Variants in STOX1 observed in about 807,000 individuals in gnomAD.
STOX1 encodes storkhead-box protein 1.
STOX1 carries 57 observed loss-of-function variants against 74.8 expected under a neutral mutation model. That is an observed-to-expected ratio of 0.76 (90% CI 0.62 to 0.95). STOX1 has a LOEUF of 0.95. STOX1 is among the 40% of genes least tolerant of loss of function. The pLI is 0.00. For missense variants in STOX1, 1,010 were observed against 1,117.0 expected, an observed-to-expected ratio of 0.90 and a Z score of 1.37; for synonymous variants, 375 against 401.3, an observed-to-expected ratio of 0.93 and a Z score of 0.78.
intron 1 of STOX1, among the ~76,000 whole-genome samples, chr10:68,871,876 C>T (rs903998087): frequency 6.6e-6 from 1 of 152,170 alleles, no homozygotes; most frequent in Non-Finnish European, 1.5e-5. Context: ...CATGTTGTTA[C>T]AAATGCTTCA....
chr10:68,868,760 C>A (rs187230799), intron 1 of STOX1, among the ~76,000 whole-genome samples: 6 of 152,136 alleles, frequency 3.9e-5, no homozygotes, highest in Non-Finnish European at 7.3e-5. Context: ...ACTTGAAGTA[C>A]TAGTAATGAC....
At chr10:68,838,346 C>T (rs1020246480) in intron 1 of STOX1, among the ~76,000 whole-genome samples, 7 of 152,090 alleles carry the variant, frequency 4.6e-5, no homozygotes, top group Admixed American at 6.6e-5. Context: ...CGATTACAGG[C>T]GTGAGCTAGG....
chr10:68,836,568 C>T (rs1223455441), intron 1 of STOX1, among the ~76,000 whole-genome samples: 1 of 152,192 alleles, frequency 6.6e-6, no homozygotes, highest in Non-Finnish European at 1.5e-5. Context: ...CGTGTGTTGT[C>T]CTGTGCCTCA....
chr10:68,893,835 G>A (rs1486920833), downstream of STOX1, among the ~76,000 whole-genome samples: 1 of 152,170 alleles, frequency 6.6e-6, no homozygotes, highest in Non-Finnish European at 1.5e-5. Flanking sequence ...CTGAATGAGA[G>A]GTTTAGAGAA....
At chr10:68,848,408 G>A (rs1170721042) in intron 1 of STOX1, among the ~76,000 whole-genome samples, 1 of 152,144 alleles carries the variant, frequency 6.6e-6, no homozygotes, top group Non-Finnish European at 1.5e-5. Flanking sequence ...GCTTTTGTGT[G>A]GGCTTTCCAT....
In STOX1 at chr10:68,886,183, G is replaced by T. The variant is rs950244869; in HGVS notation, c.2387G>T (p.Arg796Ile). ...AGGGTTGAGTCTCAGGTGCTTAAAA[G>T]AAATGAATGCTACAAACCCACTGGG... ...MERVESQVLK[R>I]NECYKPTGLH... Residue 796 changes from arginine to isoleucine, a missense_variant, in exon 3 of 4, where the codon AGA becomes ATA. Physicochemically the swap from Arg to Ile is moderately conservative, Grantham distance 97. Coordinates refer to ENST00000298596, the MANE Select transcript of STOX1 (RefSeq NM_152709.5). 3 of 1,614,094 alleles carry T rather than the reference G, an allele frequency of 1.9e-6. No individual in the cohort carries two copies. Among genetic ancestry groups the T allele is most frequent in the Middle Eastern group, 1.6e-4 (1 of 6,062 alleles).
At chr10:68,866,324 T>C (rs1417015263) in intron 1 of STOX1, among the ~76,000 whole-genome samples, 1 of 152,198 alleles carries the variant, frequency 6.6e-6, no homozygotes, top group Admixed American at 6.5e-5. Context: ...GCCAGTGCTG[T>C]AGAGAAATGA....
At chr10:68,828,931 C>T (rs1356214482) in intron 1 of STOX1, 33 of 984,158 alleles carry the variant, frequency 3.4e-5, no homozygotes, top group Middle Eastern at 5.2e-4. Context: ...AATAGCTTCT[C>T]ATTTGAGAAA....
At chr10:68,837,447 A>G (rs1839583395) in intron 1 of STOX1, among the ~76,000 whole-genome samples, 2 of 152,152 alleles carry the variant, frequency 1.3e-5, no homozygotes, top group African/African-American at 4.8e-5. Flanking sequence ...GGCCCTGAGT[A>G]CTCTACTCAT....
At chr10:68,845,271 ATT>A (rs999265975) in intron 1 of STOX1, among the ~76,000 whole-genome samples, 11 of 121,894 alleles carry the variant, frequency 9.0e-5, no homozygotes, top group Non-Finnish European at 1.2e-4. Flanking sequence ...CAGCTGGCTA[ATT>A]TTTTTTTTTT....
chr10:68,864,169 C>T (rs1840341562), intron 1 of STOX1, among the ~76,000 whole-genome samples: 1 of 152,058 alleles, frequency 6.6e-6, no homozygotes, highest in Non-Finnish European at 1.5e-5. Context: ...CGTGATCCGC[C>T]CGCCTCGGCC....
chr10:68,879,640 C>T (rs1840761536), intron 1 of STOX1, among the ~76,000 whole-genome samples: 2 of 152,156 alleles, frequency 1.3e-5, no homozygotes, highest in South Asian at 4.1e-4. Context: ...TTCACTGGAT[C>T]CTACTCCTTT....
chr10:68,874,013 CTTTTTT>C (rs1160388935), intron 1 of STOX1, among the ~76,000 whole-genome samples: 1 of 25,752 alleles, frequency 3.9e-5, no homozygotes, highest in Non-Finnish European at 6.1e-5. Context: ...GCTAGGTAGC[CTTTTTT>C]TTTTTTTTTT....
intron 1 of STOX1, among the ~76,000 whole-genome samples, chr10:68,881,577 T>C (rs1840813872): frequency 1.3e-5 from 2 of 152,344 alleles, no homozygotes; most frequent in Admixed American, 1.3e-4. Context: ...TAATCCTGTG[T>C]CTGCCTTTCT....
chr10:68,852,093 C>T (rs1309913238), intron 1 of STOX1, among the ~76,000 whole-genome samples: 3 of 151,992 alleles, frequency 2.0e-5, no homozygotes, highest in African/African-American at 7.2e-5. Flanking sequence ...GAGATTGTGC[C>T]ACCGCACTCC....
Position 68,884,764 on chromosome 10 carries a change from A to G in STOX1, c.968A>G (p.Lys323Arg). ...CTCTTATGGCGCAGCTTATCTAGAA[A>G]GGAGAAGCCCAAAACAGAACACAGC... ...FSLLWRSLSR[K>R]EKPKTEHSSF... The change falls in exon 3 of 4, where the codon AAG becomes AGG. Residue 323 changes from lysine (K) to arginine (R), a missense_variant. Lys to Arg is a conservative substitution (Grantham distance 26). Coordinates refer to ENST00000298596, the MANE Select transcript of STOX1 (RefSeq NM_152709.5). The G allele has an allele frequency of 6.2e-7, 1 of 1,614,246 alleles. No homozygotes were observed. The highest frequency in any genetic ancestry group is 8.5e-7 in the Non-Finnish European group (1 of 1,180,046).
chr10:68,840,521 A>C (rs183989199), intron 1 of STOX1, among the ~76,000 whole-genome samples: 6 of 151,568 alleles, frequency 4.0e-5, no homozygotes, highest in African/African-American at 7.3e-5. Context: ...TCCCGGCCCA[A>C]GCACCAAATA....
rs1840917031 is a variant in STOX1 at position 68,885,340 on chromosome 10, AGAC to A, written c.1547_1549del (p.Thr516del). 6.2e-7 allele frequency: 1 copy of A among 1,614,142 alleles called. No homozygotes were observed. Among genetic ancestry groups the A allele is most frequent in the South Asian group, 1.1e-5 (1 of 91,092 alleles). ...ATATCCAAAGGGCACAAAATTCAGA[AGAC>A]GAGTGATCTGAAACCCAGCCAGACT... On this transcript the variant is annotated inframe_deletion, in exon 3 of 4. Transcript: ENST00000298596.
chr10:68,885,213 C>T lies in STOX1; in HGVS notation c.1417C>T (p.Gln473Ter). The T allele has an allele frequency of 6.2e-7, 1 of 1,614,168 alleles. No homozygotes were observed. The highest frequency in any genetic ancestry group is 1.1e-5 in the South Asian group (1 of 91,072). The change falls in exon 3 of 4, where the codon CAG becomes TAG. Residue 473 changes from glutamine to a stop codon, truncating the protein, a stop_gained. Coordinates refer to ENST00000298596, the MANE Select transcript of STOX1 (RefSeq NM_152709.5). LOFTEE classifies it high-confidence loss of function. Reference protein sequence around the residue: ...RIKSPNEMVGQKPLGEITTVL... With the variant: ...RIKSPNEMVG Reference sequence around the variant, plus strand: ...TAAAAGCCCAAATGAAATGGTAGGTCAGAAACCACTTGGTGAGATTACAAC... The same window carrying T: ...TAAAAGCCCAAATGAAATGGTAGGTTAGAAACCACTTGGTGAGATTACAAC...
Sources: gnomAD v4.1 joint callset for allele counts (sites outside exome capture counted in the v4.1 genomes callset) on GRCh38, gnomAD v4.1.1 for gene constraint, MANE v1.5 for transcripts, NCBI Gene and HGNC (gene_info 2026-07-23, HGNC 2026-07-21) for gene names.